ANKS1A: variants seen among roughly 807,000 people sequenced by gnomAD.
The protein encoded by ANKS1A is ankyrin repeat and SAM domain-containing protein 1A.
Under a neutral mutation model 120.3 loss-of-function variants are expected in ANKS1A, and 55 were observed. The observed-to-expected ratio is 0.46, with a 90% CI of 0.37 to 0.57. The LOEUF is 0.57. Among genes scored for constraint, ANKS1A ranks in the 20% least tolerant of loss-of-function variants. The pLI is 0.00. For missense variants in ANKS1A, 1,123 were observed against 1,480.3 expected (o/e 0.76, Z 3.96); for synonymous variants, 590 against 604.7 (o/e 0.98, Z 0.36).
chr6:35,038,640 C>A (rs540000996), intron 11 of ANKS1A, among the ~76,000 whole-genome samples: 1 of 152,030 alleles, frequency 6.6e-6, no homozygotes, highest in African/African-American at 2.4e-5. Context: ...CGCCACCATG[C>A]GCGGCTGTTT....
At chr6:35,021,997 A>C (rs1480521023) in intron 11 of ANKS1A, among the ~76,000 whole-genome samples, 1 of 151,788 alleles carries the variant, frequency 6.6e-6, no homozygotes, top group East Asian at 1.9e-4. Flanking sequence ...AAAAAAAAAA[A>C]AACAAAACAG....
At chr6:34,922,961 G>T (rs1003296796) in intron 1 of ANKS1A, among the ~76,000 whole-genome samples, 1 of 152,130 alleles carries the variant, frequency 6.6e-6, no homozygotes, top group African/African-American at 2.4e-5. Context: ...AAAGTGCTGG[G>T]ATTACAGGTG....
intron 1 of ANKS1A, among the ~76,000 whole-genome samples, chr6:34,923,885 T>A (rs1768566771): frequency 6.6e-6 from 1 of 152,222 alleles, no homozygotes; most frequent in South Asian, 2.1e-4. Flanking sequence ...CACTGCTGCA[T>A]ACTCAAAGAG....
rs1464837888 is a variant in ANKS1A at position 35,083,401 on chromosome 6, C to T, written c.2908-16C>T. On this transcript the variant is annotated splice_polypyrimidine_tract_variant and intron_variant, in intron 19 of 23. Transcript: ENST00000360359. Reference sequence around the variant, plus strand: ...TGAGAAGGGGCACTGACAGGGCCACCCCTTGTTTCCTGTAGAAATCTACGG... The same window carrying T: ...TGAGAAGGGGCACTGACAGGGCCACTCCTTGTTTCCTGTAGAAATCTACGG... 6.2e-7 allele frequency: 1 copy of T among 1,612,956 alleles called. No individual in the cohort carries two copies. The highest frequency in any genetic ancestry group is 8.5e-7 in the Non-Finnish European group (1 of 1,178,964).
intron 3 of ANKS1A, among the ~76,000 whole-genome samples, chr6:34,977,355 G>C (rs1361602871): frequency 6.6e-6 from 1 of 151,518 alleles, no homozygotes; most frequent in Non-Finnish European, 1.5e-5. Flanking sequence ...GCTTAAGTTG[G>C]TGCCTACAAA....
chr6:34,985,491 T>G (rs1219331848), intron 8 of ANKS1A, among the ~76,000 whole-genome samples: 1 of 152,234 alleles, frequency 6.6e-6, no homozygotes, highest in Admixed American at 6.5e-5. Context: ...AGAGTTTCAT[T>G]TTTTCTAGTT....
chr6:35,070,558 C>T (rs1236299999), intron 13 of ANKS1A, among the ~76,000 whole-genome samples: 1 of 141,714 alleles, frequency 7.1e-6, no homozygotes, highest in African/African-American at 2.6e-5. Context: ...GGTACAACCT[C>T]GGCTCACTGC....
chr6:35,079,480 T>A (rs750978731), intron 14 of ANKS1A, 36 bp from the exon 15 acceptor site: 1 of 1,603,310 alleles, frequency 6.2e-7, no homozygotes. Context: ...CTGTGAGTGC[T>A]GAGATGTCAG....
chr6:35,094,717 A>G (rs988895641), downstream of ANKS1A, among the ~76,000 whole-genome samples: 3 of 152,166 alleles, frequency 2.0e-5, no homozygotes, highest in African/African-American at 4.8e-5. Context: ...AAACAAAACA[A>G]CAGAAATTAC....
chr6:35,001,972 G>A (rs1773194280), intron 10 of ANKS1A, among the ~76,000 whole-genome samples: 1 of 152,198 alleles, frequency 6.6e-6, no homozygotes, highest in South Asian at 2.1e-4. Context: ...AGCCCTGTTA[G>A]CACAAGAAGC....
chr6:35,026,981 T>G (rs948698911), intron 11 of ANKS1A, among the ~76,000 whole-genome samples: 1 of 152,202 alleles, frequency 6.6e-6, no homozygotes, highest in Non-Finnish European at 1.5e-5. Flanking sequence ...GTTGTCATCC[T>G]AGGCAAGGAT....
chr6:34,943,884 A>G (rs1381165166), intron 1 of ANKS1A, among the ~76,000 whole-genome samples: 2 of 152,276 alleles, frequency 1.3e-5, no homozygotes, highest in Non-Finnish European at 2.9e-5. Flanking sequence ...TGGTGCAGAC[A>G]TAAGCTCATT....
At chr6:35,079,713 G>A in intron 15 of ANKS1A, 45 bp downstream of exon 15, 1 of 1,613,516 alleles carries the variant, frequency 6.2e-7, no homozygotes, top group Non-Finnish European at 8.5e-7. Context: ...CCAGAAGTCT[G>A]AGCTTCCCTT....
intron 2 of ANKS1A, among the ~76,000 whole-genome samples, chr6:34,969,633 A>G (rs887414335): frequency 2.0e-5 from 3 of 152,234 alleles, no homozygotes; most frequent in African/African-American, 7.2e-5. Flanking sequence ...GTGGTGAATA[A>G]TAATATTTGT....
At chr6:35,005,984 C>T (rs949469121) in intron 10 of ANKS1A, among the ~76,000 whole-genome samples, 19 of 152,016 alleles carry the variant, frequency 1.2e-4, no homozygotes, top group African/African-American at 3.9e-4. Flanking sequence ...GACAAGAGAT[C>T]GAGACCATCC....
chr6:34,906,168 G>A (rs1191299744), intron 1 of ANKS1A, among the ~76,000 whole-genome samples: 1 of 152,164 alleles, frequency 6.6e-6, no homozygotes, highest in Non-Finnish European at 1.5e-5. Flanking sequence ...GCAGGGGGCA[G>A]TGTTTTTAGC....
chr6:35,040,075 G>A (rs1326709889), intron 11 of ANKS1A, among the ~76,000 whole-genome samples: 3 of 152,170 alleles, frequency 2.0e-5, no homozygotes, highest in African/African-American at 4.8e-5. Flanking sequence ...CCTTCATAGT[G>A]GGGGTGAGGG....
intron 11 of ANKS1A, among the ~76,000 whole-genome samples, chr6:35,021,554 T>C (rs567799363): frequency 6.6e-6 from 1 of 152,166 alleles, no homozygotes; most frequent in Non-Finnish European, 1.5e-5. Context: ...TTTTACCAAT[T>C]AGAGATGTGT....
intron 11 of ANKS1A, among the ~76,000 whole-genome samples, chr6:35,047,494 C>G (rs1481108255): frequency 6.6e-6 from 1 of 152,200 alleles, no homozygotes; most frequent in Non-Finnish European, 1.5e-5. Flanking sequence ...GGCAGATTAA[C>G]CAGTGTTTTT....
Sources: allele counts gnomAD v4.1 joint callset (sites outside exome capture counted in the v4.1 genomes callset), GRCh38; gene constraint gnomAD v4.1.1; transcripts MANE v1.5; gene names NCBI Gene and HGNC (gene_info 2026-07-23, HGNC 2026-07-21).